Variants in RASGEF1A observed in about 807,000 individuals in gnomAD.
RASGEF1A encodes RasGEF domain family member 1A.
Under a neutral mutation model 56.4 loss-of-function variants are expected in RASGEF1A, and 18 were observed. The ratio of observed to expected loss-of-function variants is 0.32; its 90% CI spans 0.22 to 0.47. The LOEUF is 0.47. RASGEF1A is among the 20% of genes least tolerant of loss of function. The probability of loss-of-function intolerance (pLI) is 1.00; values close to 1 mark genes in which losing one functional copy is unlikely to be tolerated. For synonymous variants in RASGEF1A, 245 were observed against 242.6 expected, an observed-to-expected ratio of 1.01 and a Z score of -0.09; for missense variants, 422 against 627.1, an observed-to-expected ratio of 0.67 and a Z score of 3.49.
chr10:43,248,980 C>A (rs945848327), intron 1 of RASGEF1A, among the ~76,000 whole-genome samples: 1 of 152,128 alleles, frequency 6.6e-6, no homozygotes, highest in South Asian at 2.1e-4. Flanking sequence ...TGGATGGGGG[C>A]TCTGTTGGTG....
rs778366608 is a variant in RASGEF1A, at chr10:43,203,463, A to C, written c.199-43T>G. ...AGAGAGGGCGGAGGGAGGGTGAGGC[A>C]GGCCCCCGGGGGCTCACCGCGCTGC... On this transcript the variant is annotated intron_variant, in intron 2 of 12. Coordinates refer to ENST00000395810, the MANE Select transcript of RASGEF1A (RefSeq NM_145313.4). 4.1e-6 allele frequency: 6 copies of C among 1,480,688 alleles called. No homozygotes were observed. The East Asian group carries it at 1.0e-4, about 25-fold the overall frequency. 91.7% of individuals were successfully genotyped at this position (1,480,688 alleles called of 1,614,324 possible). A position where few individuals can be genotyped will look rare whatever the true frequency, so the allele number is the denominator to read the frequency against.
At chr10:43,225,606 C>T (rs910668367) in intron 1 of RASGEF1A, among the ~76,000 whole-genome samples, 3 of 149,644 alleles carry the variant, frequency 2.0e-5, no homozygotes, top group South Asian at 2.2e-4. Flanking sequence ...TGTGTGTCCA[C>T]GGATCTCTCA....
intron 1 of RASGEF1A, among the ~76,000 whole-genome samples, chr10:43,243,656 G>A (rs12268157): frequency 0.016 from 2,372 of 146,908 alleles, 69 homozygotes; most frequent in East Asian, 0.089. Flanking sequence ...AGTGAGGAGC[G>A]CCTCTGCCCG....
chr10:43,264,674 G>T (rs1173952115), intron 1 of RASGEF1A, among the ~76,000 whole-genome samples: 1 of 150,288 alleles, frequency 6.7e-6, no homozygotes, highest in African/African-American at 2.5e-5. Context: ...CCGTCAAGGG[G>T]CAGCAGGGAG....
intron 1 of RASGEF1A, among the ~76,000 whole-genome samples, chr10:43,254,727 A>C (rs1421150644): frequency 6.6e-6 from 1 of 152,166 alleles, no homozygotes; most frequent in African/African-American, 2.4e-5. Flanking sequence ...CCGCTGCTGT[A>C]GCTCAGAGGT....
intron 1 of RASGEF1A, among the ~76,000 whole-genome samples, chr10:43,226,308 G>T (rs1840279573): frequency 6.6e-6 from 1 of 152,148 alleles, no homozygotes; most frequent in Non-Finnish European, 1.5e-5. Flanking sequence ...AGGCATGGTG[G>T]CACATGCCTG....
At chr10:43,256,880 C>G (rs1250733038) in intron 1 of RASGEF1A, among the ~76,000 whole-genome samples, 1 of 152,212 alleles carries the variant, frequency 6.6e-6, no homozygotes, top group Non-Finnish European at 1.5e-5. Context: ...CAACCGGAAA[C>G]CCCCTTCCTC....
At chr10:43,252,771 G>A (rs939687490) in intron 1 of RASGEF1A, among the ~76,000 whole-genome samples, 6 of 152,108 alleles carry the variant, frequency 3.9e-5, no homozygotes, top group African/African-American at 1.4e-4. Context: ...CCTCCACAGA[G>A]GCTTGCAGGC....
At chr10:43,204,948 A>C (rs1839970455) in intron 2 of RASGEF1A, among the ~76,000 whole-genome samples, 1 of 152,218 alleles carries the variant, frequency 6.6e-6, no homozygotes. Context: ...CTCCAGCCCC[A>C]GCCAAACCCT....
intron 1 of RASGEF1A, among the ~76,000 whole-genome samples, chr10:43,232,929 A>C (rs1355016497): frequency 6.6e-6 from 1 of 152,128 alleles, no homozygotes; most frequent in Non-Finnish European, 1.5e-5. Flanking sequence ...TCCCACCTCA[A>C]TCTCGATGAA....
intron 1 of RASGEF1A, among the ~76,000 whole-genome samples, chr10:43,235,380 G>A (rs1020219418): frequency 8.5e-5 from 13 of 152,158 alleles, no homozygotes; most frequent in Non-Finnish European, 1.6e-4. Context: ...CTGCCTCCTG[G>A]GGTCCATGAG....
intron 1 of RASGEF1A, among the ~76,000 whole-genome samples, chr10:43,221,642 C>A (rs79719519): frequency 0.016 from 2,370 of 152,354 alleles, 68 homozygotes; most frequent in African/African-American, 0.054. Context: ...GCTGCCCCTG[C>A]TGCATTTGCA....
intron 2 of RASGEF1A, 199 bp from the exon 3 acceptor site, chr10:43,203,619 G>T: frequency 1.7e-6 from 2 of 1,207,724 alleles, no homozygotes; most frequent in Non-Finnish European, 2.2e-6. Context: ...TACCTAGGAG[G>T]CACGGCTCGA....
At chr10:43,242,845 C>G (rs1017334357) in intron 1 of RASGEF1A, among the ~76,000 whole-genome samples, 1 of 152,180 alleles carries the variant, frequency 6.6e-6, no homozygotes, top group Non-Finnish European at 1.5e-5. Context: ...CAATGTTGCC[C>G]AGGCTGGAGT....
chr10:43,255,693 A>G (rs1196151330), intron 1 of RASGEF1A, among the ~76,000 whole-genome samples: 1 of 152,210 alleles, frequency 6.6e-6, no homozygotes, highest in Non-Finnish European at 1.5e-5. Flanking sequence ...TCAGGGCCAG[A>G]GTTAAAACCA....
At chr10:43,248,126 C>T (rs573913352) in intron 1 of RASGEF1A, among the ~76,000 whole-genome samples, 5 of 150,746 alleles carry the variant, frequency 3.3e-5, no homozygotes, top group Admixed American at 2.0e-4. Flanking sequence ...GAGGCTGAGG[C>T]GGGTGGATCA....
intron 1 of RASGEF1A, among the ~76,000 whole-genome samples, chr10:43,235,170 G>A (rs778608422): frequency 4.6e-5 from 7 of 152,184 alleles, no homozygotes; most frequent in African/African-American, 9.7e-5. Flanking sequence ...GGCATAAAGC[G>A]TGAAGGAGGG....
chr10:43,225,583 G>GTT (rs1174656382), intron 1 of RASGEF1A, among the ~76,000 whole-genome samples: 1 of 151,760 alleles, frequency 6.6e-6, no homozygotes, highest in African/African-American at 2.4e-5. Flanking sequence ...ATGGGTGTGT[G>GTT]TGTGTGTGTG....
At chr10:43,244,776 CAT>C (rs973563954) in intron 1 of RASGEF1A, among the ~76,000 whole-genome samples, 2 of 152,026 alleles carry the variant, frequency 1.3e-5, no homozygotes, top group African/African-American at 4.8e-5. Context: ...GACATGAAAA[CAT>C]AACATGCCAA....
Sources: allele counts gnomAD v4.1 joint callset (sites outside exome capture counted in the v4.1 genomes callset), GRCh38; gene constraint gnomAD v4.1.1; transcripts MANE v1.5; gene names NCBI Gene and HGNC (gene_info 2026-07-23, HGNC 2026-07-21).